Variants in LRRC3B observed in about 807,000 individuals in gnomAD.
LRRC3B encodes leucine rich repeat containing 3B.
A neutral mutation model predicts 12.8 loss-of-function variants in LRRC3B; 2 were observed. The observed-to-expected ratio is 0.16, with a 90% CI of 0.06 to 0.49. The LOEUF (loss-of-function observed/expected upper bound fraction) is 0.49, where lower values mean the gene tolerates loss of function less well. Ranked by LOEUF, LRRC3B falls within the 20% of genes least tolerant of loss-of-function variation. The pLI, the probability that LRRC3B is intolerant of heterozygous loss-of-function variation, is 0.96. For synonymous variants in LRRC3B, 132 were observed against 122.0 expected (o/e 1.08, Z -0.54); for missense variants, 189 against 319.4 (o/e 0.59, Z 3.11).
intron 1 of LRRC3B, among the ~76,000 whole-genome samples, chr3:26,666,418 G>A (rs1343172196): frequency 6.6e-6 from 1 of 152,020 alleles, no homozygotes; most frequent in Non-Finnish European, 1.5e-5. Context: ...TAAAGATTGG[G>A]GGGATTTTAA....
intron 1 of LRRC3B, among the ~76,000 whole-genome samples, chr3:26,697,473 A>C (rs1192076707): frequency 1.3e-5 from 2 of 152,190 alleles, no homozygotes; most frequent in Non-Finnish European, 1.5e-5. Flanking sequence ...ATAATCCAAG[A>C]TAATCTTTCC....
intron 1 of LRRC3B, among the ~76,000 whole-genome samples, chr3:26,702,034 G>C (rs148566467): frequency 7.6e-4 from 116 of 152,182 alleles, no homozygotes; most frequent in African/African-American, 2.6e-3. Context: ...AATGAAATGA[G>C]AATGGATTAT....
intron 1 of LRRC3B, among the ~76,000 whole-genome samples, chr3:26,642,128 A>C (rs766253367): frequency 2.0e-5 from 3 of 152,224 alleles, no homozygotes; most frequent in African/African-American, 4.8e-5. Context: ...TTGAATTCTC[A>C]TATCTGCTTC....
chr3:26,637,151 C>G (rs911975775), intron 1 of LRRC3B, among the ~76,000 whole-genome samples: 35 of 151,622 alleles, frequency 2.3e-4, no homozygotes, highest in African/African-American at 8.2e-4. Context: ...CGCCCACCAC[C>G]ATGCCCAGCT....
intron 1 of LRRC3B, among the ~76,000 whole-genome samples, chr3:26,687,621 G>C (rs530324625): frequency 6.6e-6 from 1 of 152,238 alleles, no homozygotes; most frequent in East Asian, 1.9e-4. Context: ...CTGGCAGCAT[G>C]GGGTACAAGA....
intron 1 of LRRC3B, among the ~76,000 whole-genome samples, chr3:26,632,091 A>G (rs903149954): frequency 6.6e-6 from 1 of 152,358 alleles, no homozygotes; most frequent in African/African-American, 2.4e-5. Flanking sequence ...GGAGCCTACA[A>G]TAAAAGGATG....
chr3:26,636,986 T>G lies in LRRC3B; in HGVS notation c.-161+13749T>G, dbSNP rs190620278. ...TCTTTCTTTCTTTCTCTCTCTCTCT[T>G]TCTCTCTTTCTCTCTTTCTTTCTTT... On this transcript the variant is annotated intron_variant, in intron 1 of 1. Transcript: ENST00000396641. Among the ~76,000 whole-genome samples the G allele has an allele frequency of 9.0e-5, 11 of 122,014 alleles. No individual in the cohort carries two copies. In the South Asian group the frequency reaches 2.6e-3, roughly 29 times the overall value. The allele number at this position is 122,014 out of a possible 152,430, so 80.0% of individuals were successfully genotyped here.
intron 1 of LRRC3B, among the ~76,000 whole-genome samples, chr3:26,678,487 C>G (rs750829932): frequency 7.1e-6 from 1 of 141,270 alleles, no homozygotes; most frequent in African/African-American, 3.0e-5. Flanking sequence ...GATTGAGACC[C>G]TGTCTCAAAA....
At chr3:26,692,812 G>T (rs551750705) in intron 1 of LRRC3B, among the ~76,000 whole-genome samples, 5 of 152,172 alleles carry the variant, frequency 3.3e-5, no homozygotes, top group African/African-American at 1.2e-4. Context: ...TCACAAATCC[G>T]TGAGTAGCTT....
intron 1 of LRRC3B, among the ~76,000 whole-genome samples, chr3:26,657,120 G>A (rs1004272894): frequency 6.6e-6 from 1 of 152,152 alleles, no homozygotes; most frequent in Non-Finnish European, 1.5e-5. Context: ...TAAAATATTT[G>A]TTTTTAATAT....
At chr3:26,699,616 C>T (rs1430178422) in intron 1 of LRRC3B, among the ~76,000 whole-genome samples, 1 of 152,152 alleles carries the variant, frequency 6.6e-6, no homozygotes, top group Non-Finnish European at 1.5e-5. Flanking sequence ...ACTCATCCTA[C>T]TCAGAAGTAC....
intron 1 of LRRC3B, among the ~76,000 whole-genome samples, chr3:26,629,199 C>T (rs756765717): frequency 1.6e-4 from 23 of 146,536 alleles, no homozygotes; most frequent in African/African-American, 3.8e-4. Context: ...TCCCTCCCTG[C>T]GTCCTTCCTT....
chr3:26,672,475 G>C (rs893023843), intron 1 of LRRC3B, among the ~76,000 whole-genome samples: 4 of 152,158 alleles, frequency 2.6e-5, no homozygotes, highest in African/African-American at 9.7e-5. Context: ...TTGAGGGCCT[G>C]AGAAGACACT....
In LRRC3B at chr3:26,647,890, G is replaced by A. The variant is rs541738594; in HGVS notation, c.-161+24653G>A. 6.6e-5 allele frequency among the ~76,000 whole-genome samples: 10 copies of A among 152,222 alleles called. No homozygotes were observed. The South Asian group carries it at 1.2e-3, about 19-fold the overall frequency. On this transcript the variant is annotated intron_variant, in intron 1 of 1. Transcript: ENST00000396641. Reference sequence around the variant, plus strand: ...AATTTAAGCTACATATAGCTTCCCCGCGCCAAGCTTTGCTTAAAGAAAATG... The same window carrying A: ...AATTTAAGCTACATATAGCTTCCCCACGCCAAGCTTTGCTTAAAGAAAATG...
chr3:26,671,373 T>TATATATATATATAGAGAGAGAGAG (rs1261897533), intron 1 of LRRC3B, among the ~76,000 whole-genome samples: 2 of 28,248 alleles, frequency 7.1e-5, no homozygotes, highest in Non-Finnish European at 6.0e-5. Context: ...TATATATATA[T>TATATATATATATAGAGAGAGAGAG]AGAGAGAGAG....
intron 1 of LRRC3B, among the ~76,000 whole-genome samples, chr3:26,686,414 A>G (rs116361866): frequency 0.033 from 4,951 of 152,152 alleles, 122 homozygotes; most frequent in South Asian, 0.049. Flanking sequence ...CATGCTCCTT[A>G]TGGTAACTTC....
chr3:26,686,510 G>T (rs1442036066), intron 1 of LRRC3B, among the ~76,000 whole-genome samples: 1 of 151,968 alleles, frequency 6.6e-6, no homozygotes, highest in Non-Finnish European at 1.5e-5. Context: ...TTTCTCTCCT[G>T]CATCCCCCAC....
At chr3:26,632,577 G>A (rs542360634) in intron 1 of LRRC3B, among the ~76,000 whole-genome samples, 387 of 152,118 alleles carry the variant, frequency 2.5e-3, no homozygotes, top group Admixed American at 7.0e-3. Context: ...GTTTATATAT[G>A]GTAGGAAAGG....
At chr3:26,665,379 C>A (rs1699578166) in intron 1 of LRRC3B, among the ~76,000 whole-genome samples, 1 of 152,104 alleles carries the variant, frequency 6.6e-6, no homozygotes, top group African/African-American at 2.4e-5. Flanking sequence ...TTGTTTTCTT[C>A]TTGTCCTTCT....
Sources: gnomAD v4.1 joint callset for allele counts (sites outside exome capture counted in the v4.1 genomes callset) on GRCh38, gnomAD v4.1.1 for gene constraint, MANE v1.5 for transcripts, NCBI Gene and HGNC (gene_info 2026-07-23, HGNC 2026-07-21) for gene names.